The following TDRKH variants were observed in gnomAD, a reference collection of about 807,000 sequenced individuals.
TDRKH encodes tudor and KH domain containing, also known as tudor and KH domain-containing protein.
In TDRKH, 28 loss-of-function variants were observed where a neutral mutation model predicts 61.3. That is an observed-to-expected ratio of 0.46 (90% CI 0.34 to 0.63). The LOEUF (loss-of-function observed/expected upper bound fraction) is 0.63. TDRKH is among the 20% of genes least tolerant of loss of function. The pLI, the probability that TDRKH is intolerant of heterozygous loss-of-function variation, is 0.01. For synonymous variants in TDRKH, 219 were observed against 244.4 expected (o/e 0.90, Z 0.97); for missense variants, 540 against 683.4 (o/e 0.79, Z 2.34).
At chr1:151,770,462 G>A, downstream of TDRKH, 4 of 626,248 alleles carry the variant, frequency 6.4e-6, no homozygotes, top group South Asian at 2.0e-5. Flanking sequence ...CCCTGCAGGT[G>A]GTGTTAGGGG....
chr1:151,779,427 T>C (rs898757272), intron 4 of TDRKH, among the ~76,000 whole-genome samples, 185 bp from the exon 5 acceptor site: 20 of 152,244 alleles, frequency 1.3e-4, no homozygotes, highest in Non-Finnish European at 2.2e-4. Flanking sequence ...GAGAATACCA[T>C]ATTCTTTCCT....
chr1:151,781,465 C>T lies in TDRKH; in HGVS notation c.231+16G>A. On this transcript the variant is annotated intron_variant, in intron 3 of 12. Transcript: ENST00000368824. ...ATCAATCCTTGGGAAAGCAGACTGC[C>T]TACTCACACACTTACCTGTTTAATA... The T allele has an allele frequency of 6.2e-7, 1 of 1,607,604 alleles. No homozygotes were observed. The highest frequency in any genetic ancestry group is 8.5e-7 in the Non-Finnish European group (1 of 1,175,382).
downstream of TDRKH, chr1:151,770,292 T>C (rs753682244): frequency 6.2e-7 from 1 of 1,600,524 alleles, no homozygotes; most frequent in East Asian, 2.2e-5. Context: ...CTTTTCGCGC[T>C]GAGGCAGCTG....
intron 1 of TDRKH, among the ~76,000 whole-genome samples, chr1:151,786,342 C>T (rs763032665): frequency 2.6e-5 from 4 of 152,140 alleles, no homozygotes; most frequent in Non-Finnish European, 5.9e-5. Flanking sequence ...ATCTGATAAC[C>T]AAGATGGCTA....
Position 151,776,469 on chromosome 1 carries a change from A to G in TDRKH, c.1014T>C (p.Asn338=). The change falls in exon 7 of 13, where the codon AAT becomes AAC. Residue 338 remains asparagine (N), a synonymous_variant. Coordinates refer to ENST00000368824, the MANE Select transcript of TDRKH (RefSeq NM_001083965.2). ...SRSLQLDKLV[N]EMTQHYENSV... ...TATTCTCATAGTGCTGGGTCATCTCATTGACAAGCTTATCCAATTGCAGGC... is the reference window on the plus strand; with the variant it reads ...TATTCTCATAGTGCTGGGTCATCTCGTTGACAAGCTTATCCAATTGCAGGC... The G allele has an allele frequency of 1.2e-6, 2 of 1,613,534 alleles. No homozygotes were observed. Among genetic ancestry groups the G allele is most frequent in the Non-Finnish European group, 1.7e-6 (2 of 1,179,552 alleles).
chr1:151,776,530 G>T lies in TDRKH; in HGVS notation c.953C>A (p.Pro318His). Residue 318 changes from proline (P) to histidine (H), a missense_variant, in exon 7 of 13, where the codon CCT becomes CAT. Transcript: ENST00000368824. The stretch of plus-strand genomic sequence containing the variant: ...AACGATCTGGATCCAGAAGTGGTTA[G>T]GGTGCTCAGAAGCAGAAACGTAGAC... ...LEVYVSASEHPNHFWIQIVGS... is the reference protein window; with the variant it reads ...LEVYVSASEHHNHFWIQIVGS... 1 of 1,614,200 alleles carries T rather than the reference G, an allele frequency of 6.2e-7. No homozygotes were observed. Among genetic ancestry groups the T allele is most frequent in the Non-Finnish European group, 8.5e-7 (1 of 1,180,038 alleles).
At chr1:151,771,374 C>T (rs1648698327), downstream of TDRKH, 1 of 1,435,016 alleles carries the variant, frequency 7.0e-7, no homozygotes. Context: ...ATAGGGTTGA[C>T]TGGAGTGGGA....
rs999729611 is a variant in TDRKH, at chr1:151,776,484, C to T, written c.999G>A (p.Leu333=). ...IQIVGSRSLQ[L]DKLVNEMTQH... ...GGGTCATCTCATTGACAAGCTTATC[C>T]AATTGCAGGCTGCGGGAGCCAACGA... Residue 333 remains leucine, a synonymous_variant, in exon 7 of 13, where the codon TTG becomes TTA. Coordinates refer to ENST00000368824, the MANE Select transcript of TDRKH (RefSeq NM_001083965.2). 1.1e-5 allele frequency: 17 copies of T among 1,614,162 alleles called. No individual in the cohort carries two copies. Among genetic ancestry groups the T allele is most frequent in the Non-Finnish European group, 1.4e-5 (17 of 1,180,028 alleles).
At chr1:151,779,673 C>T (rs1649555895) in intron 4 of TDRKH, 1 of 392,068 alleles carries the variant, frequency 2.6e-6, no homozygotes, top group African/African-American at 2.0e-5. Context: ...ACATGAGCAT[C>T]CCAAGCTTCC....
At chr1:151,767,033 TG>T, downstream of TDRKH, 1 of 1,426,122 alleles carries the variant, frequency 7.0e-7, no homozygotes, top group Non-Finnish European at 9.6e-7. Context: ...TTTTTCCATC[TG>T]GTTGGGCCCA....
At chr1:151,767,811 G>A (rs963600314), downstream of TDRKH, 1 of 517,390 alleles carries the variant, frequency 1.9e-6, no homozygotes, top group African/African-American at 1.9e-5. Context: ...AATGGTTATT[G>A]TACTCCTGGG....
At position 151,774,522 on chromosome 1, in the gene TDRKH, G is replaced by A; in HGVS notation, c.1634-18C>T. 6.2e-7 allele frequency: 1 copy of A among 1,613,828 alleles called. No individual in the cohort carries two copies. The highest frequency in any genetic ancestry group is 2.2e-5 in the East Asian group (1 of 44,872). ...AGCAGCTTCTATTGAAGATAAATAAGAAGGAGAAAGTTAGACACTGCCCTA... is the reference window on the plus strand; with the variant it reads ...AGCAGCTTCTATTGAAGATAAATAAAAAGGAGAAAGTTAGACACTGCCCTA... On this transcript the variant is annotated intron_variant, in intron 12 of 12. Transcript: ENST00000368824.
In TDRKH at chr1:151,774,116, G is replaced by A. The variant is rs1648922564; in HGVS notation, c.*336C>T. 1 of 247,878 alleles carries A rather than the reference G, an allele frequency of 4.0e-6. No homozygotes were observed. The highest frequency in any genetic ancestry group is 2.3e-5 in the African/African-American group (1 of 43,762). 15.4% of individuals were successfully genotyped at this position (247,878 alleles called of 1,614,324 possible). A position where few individuals can be genotyped will look rare whatever the true frequency, so the allele number is the denominator to read the frequency against. On this transcript the variant is annotated 3_prime_UTR_variant, in exon 13 of 13. Transcript: ENST00000368824. The stretch of plus-strand genomic sequence containing the variant: ...ATTTTTTTGTAGTCTGATGGGAGGA[G>A]AATATTAATTTGGTCCACAGCAAGC...
chr1:151,780,314 T>C (rs1649629990), intron 3 of TDRKH, among the ~76,000 whole-genome samples, 174 bp from the exon 4 acceptor site: 1 of 94,360 alleles, frequency 1.1e-5, no homozygotes, highest in African/African-American at 3.3e-5. Context: ...TTACTATCTA[T>C]ACAACCAGTC....
At chr1:151,779,317 T>C in intron 4 of TDRKH, 75 bp from the exon 5 acceptor site, 6 of 1,547,736 alleles carry the variant, frequency 3.9e-6, no homozygotes, top group Non-Finnish European at 5.2e-6. Context: ...CACTGTTTTG[T>C]ATATACTAGG....
intron 8 of TDRKH, 78 bp from the exon 9 acceptor site, chr1:151,775,962 C>G: frequency 6.3e-7 from 1 of 1,583,890 alleles, no homozygotes; most frequent in South Asian, 1.1e-5. Context: ...AAAGAACCAA[C>G]TAACATGAGA....
At chr1:151,766,783 C>G (rs893741259), downstream of TDRKH, 5 of 1,578,632 alleles carry the variant, frequency 3.2e-6, no homozygotes, top group African/African-American at 6.7e-5. Flanking sequence ...AGGGGAAAAA[C>G]ACGTAACTAC....
At chr1:151,770,396 C>G, downstream of TDRKH, 24 of 1,253,442 alleles carry the variant, frequency 1.9e-5, no homozygotes, top group Non-Finnish European at 2.6e-5. Context: ...CCACCTACCA[C>G]GAAGGTGGGA....
chr1:151,770,575 A>G (rs150231663), downstream of TDRKH: 100 of 305,504 alleles, frequency 3.3e-4, no homozygotes, highest in African/African-American at 2.1e-3. Context: ...ACAATGTGAA[A>G]GGGTCAGACA....
Sources: gnomAD v4.1 joint callset for allele counts (sites outside exome capture counted in the v4.1 genomes callset) on GRCh38, gnomAD v4.1.1 for gene constraint, MANE v1.5 for transcripts, NCBI Gene and HGNC (gene_info 2026-07-23, HGNC 2026-07-21) for gene names.